The following LDB3 variants were observed in gnomAD, a reference collection of about 807,000 sequenced individuals.
LDB3 encodes LIM domain-binding protein 3.
In LDB3, 49 loss-of-function variants were observed where a neutral mutation model predicts 69.0. The observed-to-expected ratio is 0.71, with a 90% CI of 0.56 to 0.90. The LOEUF (loss-of-function observed/expected upper bound fraction) is 0.90. Ranked by LOEUF, LDB3 falls within the 40% of genes least tolerant of loss-of-function variation. The pLI is 0.00. For synonymous variants in LDB3, 387 were observed against 396.2 expected, an observed-to-expected ratio of 0.98 and a Z score of 0.28; for missense variants, 928 against 974.1, an observed-to-expected ratio of 0.95 and a Z score of 0.63.
chr10:86,668,586 A>G lies in LDB3; in HGVS notation c.-24+16A>G. The G allele has an allele frequency of 2.2e-6, 2 of 904,046 alleles. No homozygotes were observed. The highest frequency in any genetic ancestry group is 1.9e-6 in the Non-Finnish European group (1 of 540,400). The allele number at this position is 904,046 out of a possible 1,614,324, so 56.0% of individuals were successfully genotyped here. On this transcript the variant is annotated intron_variant, in intron 1 of 13. Transcript: ENST00000361373. ...GACAGAACAGGCAAGGCTGGGGGTC[A>G]GGGGCAGGGGCAGAGGTGTGGACCG...
intron 13 of LDB3, among the ~76,000 whole-genome samples, chr10:86,727,137 T>C (rs6586029): frequency 0.32 from 48,389 of 151,652 alleles, 8,297 homozygotes; most frequent in East Asian, 0.58. Context: ...TCTTCTGCTT[T>C]AGCCTCCTGA....
intron 7 of LDB3, among the ~76,000 whole-genome samples, chr10:86,695,670 G>A (rs927337882): frequency 6.6e-6 from 1 of 152,284 alleles, no homozygotes; most frequent in Non-Finnish European, 1.5e-5. Context: ...CTGAAATAGT[G>A]CCTCCATCCC....
At chr10:86,722,684 A>G (rs947100299) in intron 12 of LDB3, among the ~76,000 whole-genome samples, 2 of 144,288 alleles carry the variant, frequency 1.4e-5, no homozygotes, top group Admixed American at 1.5e-4. Context: ...TCTCTGTCTC[A>G]GCCTCCCAAG....
chr10:86,714,553 CTTTT>C (rs11306108), intron 9 of LDB3, among the ~76,000 whole-genome samples: 2 of 124,188 alleles, frequency 1.6e-5, no homozygotes. Context: ...AAGGTATTAT[CTTTT>C]TTTTTTTTTT....
In LDB3 at chr10:86,692,244, G is replaced by A. The variant is rs77359721; in HGVS notation, c.859+179G>A. On this transcript the variant is annotated intron_variant, in intron 6 of 13. Coordinates refer to ENST00000361373, the MANE Select transcript of LDB3 (RefSeq NM_007078.3). ...TCTGGGCCTCTCAGGCAGGCTGTCC[G>A]GTGACAGCAGCCTTCTGCTCCAATG... 6.0e-3 allele frequency among the ~76,000 whole-genome samples: 917 copies of A among 152,352 alleles called. 13 individuals carry two copies. Among genetic ancestry groups the A allele is most frequent in the African/African-American group, 0.021 (879 of 41,572 alleles).
chr10:86,702,102 TG>T (rs1176585440), intron 7 of LDB3, among the ~76,000 whole-genome samples: 3 of 152,226 alleles, frequency 2.0e-5, no homozygotes, highest in East Asian at 3.9e-4. Context: ...ACCAGGTGGG[TG>T]GCAGCATGAA....
rs559148891 is a variant in LDB3 at position 86,716,248 on chromosome 10, T to C, written c.1232-79T>C. 7.1e-6 allele frequency: 11 copies of C among 1,542,128 alleles called. No individual in the cohort carries two copies. The East Asian group carries it at 1.1e-4, about 16-fold the overall frequency. On this transcript the variant is annotated intron_variant, in intron 9 of 13. Transcript: ENST00000361373. ...TAATGTTAAAGTCACCTTTTGCATT[T>C]CTCTGGCTAGGAGTGAGGGGAACTG... is the stretch of plus-strand genomic sequence containing the variant.
Position 86,669,727 on chromosome 10 carries a change from G to A in LDB3, c.93+943G>A, listed in dbSNP as rs1279184572. Among the ~76,000 whole-genome samples, 7 of 152,270 alleles carry A rather than the reference G, an allele frequency of 4.6e-5. No homozygotes were observed. The East Asian group carries it at 7.7e-4, about 17-fold the overall frequency. Reference sequence around the variant, plus strand: ...CGAACTGTGAGGCATACAGGGCAAGGACAACCCTGCCTGGTGGCTGAGCCC... The same window carrying A: ...CGAACTGTGAGGCATACAGGGCAAGAACAACCCTGCCTGGTGGCTGAGCCC... On this transcript the variant is annotated intron_variant, in intron 2 of 13. Coordinates refer to ENST00000361373, the MANE Select transcript of LDB3 (RefSeq NM_007078.3).
rs750751115 is a variant in LDB3 at position 86,691,866 on chromosome 10, C to T, written c.690-30C>T. ...GGTGGGAACTGGGCTCCAGCCTAGC[C>T]CTCGCCCACGGCCTCTCTCTGCATT... On this transcript the variant is annotated intron_variant, in intron 5 of 13. Transcript: ENST00000361373. The T allele has an allele frequency of 1.2e-5, 19 of 1,613,280 alleles. No individual in the cohort carries two copies. The Admixed American group carries it at 2.8e-4, about 24-fold the overall frequency.
chr10:86,715,592 C>T lies in LDB3; in HGVS notation c.1232-735C>T, dbSNP rs115253466. Among the ~76,000 whole-genome samples, 498 of 152,302 alleles carry T rather than the reference C, an allele frequency of 3.3e-3. 1 individual carries two copies. Among genetic ancestry groups the T allele is most frequent in the African/African-American group, 0.011 (473 of 41,552 alleles). Reference sequence around the variant, plus strand: ...TTAGACAGTCACTCAGACACACTCTCAGCTTCCACCAAAGCGATGTGGGAG... The same window carrying T: ...TTAGACAGTCACTCAGACACACTCTTAGCTTCCACCAAAGCGATGTGGGAG... On this transcript the variant is annotated intron_variant, in intron 9 of 13. Coordinates refer to ENST00000361373, the MANE Select transcript of LDB3 (RefSeq NM_007078.3).
chr10:86,697,549 C>CTTTTTTTTTTTTTTT (rs71019409), intron 7 of LDB3, among the ~76,000 whole-genome samples: 7 of 83,942 alleles, frequency 8.3e-5, no homozygotes, highest in Non-Finnish European at 1.0e-4. Flanking sequence ...TTCTTTCTTT[C>CTTTTTTTTTTTTTTT]TTTTTTTTTT....
chr10:86,692,555 G>C lies in LDB3; in HGVS notation c.880G>C (p.Ala294Pro). 6.2e-7 allele frequency: 1 copy of C among 1,614,254 alleles called. No homozygotes were observed. Among genetic ancestry groups the C allele is most frequent in the Non-Finnish European group, 8.5e-7 (1 of 1,180,038 alleles). The part of the protein sequence containing the change: ...TEFMQDPDEE[A>P]LRRSSTPIEH... Reference sequence around the variant, plus strand: ...AACAGTGCAAGACCCTGATGAAGAAGCTCTGCGAAGGTCAAGGTAAGTGCC... The same window carrying C: ...AACAGTGCAAGACCCTGATGAAGAACCTCTGCGAAGGTCAAGGTAAGTGCC... Residue 294 changes from alanine (A) to proline (P), a missense_variant, in exon 7 of 14, where the codon GCT becomes CCT. Transcript: ENST00000361373.
At position 86,733,009 on chromosome 10, in the gene LDB3, G is replaced by C; in HGVS notation, c.*33G>C. 2 of 1,483,150 alleles carry C rather than the reference G, an allele frequency of 1.3e-6. No individual in the cohort carries two copies. The highest frequency in any genetic ancestry group is 1.9e-6 in the Non-Finnish European group (2 of 1,066,078). The allele number at this position is 1,483,150 out of a possible 1,614,324, so 91.9% of individuals were successfully genotyped here. ...AGGCCGCCTGTGCTGACGAGGCCCG[G>C]AGCTGCTCCTGCTGCTGGCAACAAA... On this transcript the variant is annotated 3_prime_UTR_variant, in exon 14 of 14. Coordinates refer to ENST00000361373, the MANE Select transcript of LDB3 (RefSeq NM_007078.3).
chr10:86,720,365 A>G (rs940814245), intron 12 of LDB3, among the ~76,000 whole-genome samples: 5 of 151,604 alleles, frequency 3.3e-5, no homozygotes, highest in Non-Finnish European at 1.5e-5. Flanking sequence ...AATCGCTTGA[A>G]CCCGGGAGGC....
rs1846455836 is a variant in LDB3 at position 86,706,662 on chromosome 10, C to T, written c.1028C>T (p.Thr343Ile). 6.2e-7 allele frequency: 1 copy of T among 1,613,074 alleles called. No homozygotes were observed. Among genetic ancestry groups the T allele is most frequent in the South Asian group, 1.1e-5 (1 of 91,066 alleles). Residue 343 changes from threonine to isoleucine, a missense_variant, in exon 8 of 14, where the codon ACT becomes ATT. By Grantham distance (89) the Thr-to-Ile change is moderately conservative (BLOSUM62 -1). Coordinates refer to ENST00000361373, the MANE Select transcript of LDB3 (RefSeq NM_007078.3). ...SPPLATAAAH[T>I]AIASASTTAP... ...CCCCTGGCCACAGCTGCTGCCCACA[C>T]TGCCATCGCCTCCGCCTCCACCACA... is the stretch of plus-strand genomic sequence containing the variant.
intron 5 of LDB3, among the ~76,000 whole-genome samples, chr10:86,682,414 G>T (rs901084663): frequency 1.3e-5 from 2 of 152,020 alleles, no homozygotes; most frequent in African/African-American, 4.8e-5. Context: ...AGGAGAAAGG[G>T]GCTGTGCAGG....
intron 13 of LDB3, among the ~76,000 whole-genome samples, chr10:86,726,785 C>T (rs1012763131): frequency 1.3e-5 from 2 of 152,116 alleles, no homozygotes; most frequent in African/African-American, 4.8e-5. Context: ...TGATATATAG[C>T]TGCCAGGAGA....
chr10:86,668,477 C>T (rs1385465012), upstream of LDB3: 6 of 643,014 alleles, frequency 9.3e-6, no homozygotes, highest in Non-Finnish European at 2.8e-6. Flanking sequence ...CAGCCGAAGG[C>T]AGATATCAGT....
At chr10:86,705,231 C>T (rs1464204233) in intron 7 of LDB3, among the ~76,000 whole-genome samples, 1 of 152,166 alleles carries the variant, frequency 6.6e-6, no homozygotes, top group Non-Finnish European at 1.5e-5. Context: ...GTTGTAGGAC[C>T]TTGAGCAACT....
Sources: allele counts gnomAD v4.1 joint callset (sites outside exome capture counted in the v4.1 genomes callset), GRCh38; gene constraint gnomAD v4.1.1; transcripts MANE v1.5; gene names NCBI Gene and HGNC (gene_info 2026-07-23, HGNC 2026-07-21).